ENOX1: variants seen among roughly 807,000 people sequenced by gnomAD.
The protein encoded by ENOX1 is candidate growth-related and time keeping constitutive hydroquinone (NADH) oxidase.
Under a neutral mutation model 82.5 loss-of-function variants are expected in ENOX1, and 42 were observed. The ratio of observed to expected loss-of-function variants is 0.51; its 90% CI spans 0.40 to 0.66. ENOX1 has a LOEUF of 0.66. ENOX1 is among the 30% of genes least tolerant of loss of function. The pLI is 0.00. For synonymous variants in ENOX1, 271 were observed against 282.2 expected (o/e 0.96, Z 0.40); for missense variants, 608 against 811.6 (o/e 0.75, Z 3.05).
intron 1 of ENOX1, among the ~76,000 whole-genome samples, chr13:43,750,012 G>A (rs538133995): frequency 2.6e-4 from 39 of 152,178 alleles, no homozygotes; most frequent in African/African-American, 7.0e-4. Context: ...TGCAAATGCT[G>A]GCTGGATCTC....
At chr13:43,414,587 C>T (rs1410495719) in intron 3 of ENOX1, among the ~76,000 whole-genome samples, 5 of 152,180 alleles carry the variant, frequency 3.3e-5, no homozygotes, top group Admixed American at 2.6e-4. Context: ...GATCTTTCTA[C>T]GATGAAATCT....
intron 14 of ENOX1, among the ~76,000 whole-genome samples, chr13:43,264,732 A>G (rs1244552287): frequency 2.0e-5 from 3 of 152,224 alleles, no homozygotes; most frequent in African/African-American, 7.2e-5. Context: ...CATCAAACAT[A>G]TGGAGAGGCA....
chr13:43,320,740 A>G (rs1212340814), intron 11 of ENOX1, among the ~76,000 whole-genome samples: 1 of 152,218 alleles, frequency 6.6e-6, no homozygotes, highest in African/African-American at 2.4e-5. Context: ...CCTTGTCAGG[A>G]TATTAAGAAT....
chr13:43,622,726 T>C (rs567215894), intron 2 of ENOX1, among the ~76,000 whole-genome samples: 1 of 152,218 alleles, frequency 6.6e-6, no homozygotes, highest in South Asian at 2.1e-4. Context: ...ATTTTTGTGC[T>C]GGTTAGCCTC....
At chr13:43,731,170 G>A (rs564765704) in intron 1 of ENOX1, among the ~76,000 whole-genome samples, 1 of 152,172 alleles carries the variant, frequency 6.6e-6, no homozygotes, top group East Asian at 1.9e-4. Context: ...AAGAACCCCT[G>A]CCAAATTCTA....
At chr13:43,573,996 G>T (rs2080300841) in intron 2 of ENOX1, among the ~76,000 whole-genome samples, 1 of 152,134 alleles carries the variant, frequency 6.6e-6, no homozygotes, top group Non-Finnish European at 1.5e-5. Flanking sequence ...CCACTGTTTG[G>T]GTGGTAAAAT....
intron 5 of ENOX1, among the ~76,000 whole-genome samples, chr13:43,366,084 A>G (rs929716160): frequency 5.9e-5 from 9 of 152,220 alleles, no homozygotes; most frequent in Non-Finnish European, 1.0e-4. Context: ...TCCTATTGCA[A>G]TTGACAAGTC....
At chr13:43,482,817 T>C (rs1341817529) in intron 3 of ENOX1, among the ~76,000 whole-genome samples, 1 of 152,168 alleles carries the variant, frequency 6.6e-6, no homozygotes, top group Non-Finnish European at 1.5e-5. Context: ...TCTGTTTCTA[T>C]GGATACAGTT....
chr13:43,256,288 C>G (rs2043740888), intron 14 of ENOX1, among the ~76,000 whole-genome samples: 1 of 151,874 alleles, frequency 6.6e-6, no homozygotes, highest in South Asian at 2.1e-4. Context: ...GCAGCAGAAG[C>G]AAAAATAGAC....
At chr13:43,695,708 A>G (rs902927406) in intron 1 of ENOX1, among the ~76,000 whole-genome samples, 1 of 152,140 alleles carries the variant, frequency 6.6e-6, no homozygotes, top group East Asian at 1.9e-4. Flanking sequence ...TCAGCCTTCC[A>G]AAGTGCTGGG....
At chr13:43,540,681 A>G (rs1263153075) in intron 2 of ENOX1, among the ~76,000 whole-genome samples, 2 of 152,220 alleles carry the variant, frequency 1.3e-5, no homozygotes, top group African/African-American at 4.8e-5. Flanking sequence ...TGACTTTGTT[A>G]GAAATGCACT....
At chr13:43,490,206 T>C (rs1172693348) in intron 2 of ENOX1, among the ~76,000 whole-genome samples, 1 of 152,208 alleles carries the variant, frequency 6.6e-6, no homozygotes, top group African/African-American at 2.4e-5. Flanking sequence ...CCTCCCAAAG[T>C]GCTGGGATTG....
intron 1 of ENOX1, among the ~76,000 whole-genome samples, chr13:43,668,869 G>A (rs2085117253): frequency 6.6e-6 from 1 of 152,040 alleles, no homozygotes; most frequent in Non-Finnish European, 1.5e-5. Context: ...AGTGAATGAG[G>A]GCAGGTCACT....
intron 12 of ENOX1, 150 bp from the exon 13 acceptor site, chr13:43,269,727 A>T: frequency 1.6e-6 from 1 of 643,138 alleles, no homozygotes. Context: ...TGTTTTCCGC[A>T]CTAAGTATCA....
At chr13:43,584,554 A>G (rs1287874692) in intron 2 of ENOX1, among the ~76,000 whole-genome samples, 1 of 152,194 alleles carries the variant, frequency 6.6e-6, no homozygotes, top group Non-Finnish European at 1.5e-5. Context: ...TTAGGTTAGA[A>G]CAGTACAAAA....
intron 10 of ENOX1, among the ~76,000 whole-genome samples, chr13:43,326,033 CAA>C (rs938467293): frequency 7.3e-5 from 11 of 151,696 alleles, no homozygotes; most frequent in Admixed American, 3.9e-4. Flanking sequence ...CGTACTTGTC[CAA>C]AGAGCAAACT....
Position 43,213,948 on chromosome 13 carries a change from G to A in ENOX1, c.*42C>T, listed in dbSNP as rs2041320171. 6.2e-7 allele frequency: 1 copy of A among 1,603,468 alleles called. No individual in the cohort carries two copies. The highest frequency in any genetic ancestry group is 8.5e-7 in the Non-Finnish European group (1 of 1,173,736). The stretch of plus-strand genomic sequence containing the variant: ...TTCCCCGTCGCACCGCCCTGGCCAG[G>A]TTCACATGGTTTCATTTCCAGAGAT... On this transcript the variant is annotated 3_prime_UTR_variant, in exon 17 of 17. Coordinates refer to ENST00000690772, the MANE Select transcript of ENOX1 (RefSeq NM_001347969.2).
intron 2 of ENOX1, among the ~76,000 whole-genome samples, chr13:43,532,445 C>T (rs980397070): frequency 6.6e-6 from 1 of 152,090 alleles, no homozygotes; most frequent in Admixed American, 6.6e-5. Context: ...AGTCTATTTT[C>T]ATAATACTAA....
chr13:43,256,810 G>C (rs2043774870), intron 14 of ENOX1, among the ~76,000 whole-genome samples: 1 of 152,096 alleles, frequency 6.6e-6, no homozygotes, highest in Non-Finnish European at 1.5e-5. Context: ...CCATTACTGG[G>C]TATATATTCA....
Sources: allele counts gnomAD v4.1 joint callset (sites outside exome capture counted in the v4.1 genomes callset), GRCh38; gene constraint gnomAD v4.1.1; transcripts MANE v1.5; gene names NCBI Gene and HGNC (gene_info 2026-07-23, HGNC 2026-07-21).